The following NLGN4X variants were observed in gnomAD, a reference collection of about 807,000 sequenced individuals.
NLGN4X encodes the protein neuroligin-4, X-linked.
NLGN4X carries 3 observed loss-of-function variants against 40.3 expected under a neutral mutation model. The ratio of observed to expected loss-of-function variants is 0.07; its 90% CI spans 0.03 to 0.19. The LOEUF is 0.19. Among genes scored for constraint, NLGN4X ranks in the 10% least tolerant of loss-of-function variants. The pLI is 1.00. For synonymous variants in NLGN4X, 270 were observed against 306.8 expected, an observed-to-expected ratio of 0.88 and a Z score of 1.25; for missense variants, 382 against 708.3, an observed-to-expected ratio of 0.54 and a Z score of 5.23.
intron 3 of NLGN4X, among the ~76,000 whole-genome samples, chrX:5,958,434 T>C (rs2034564510): frequency 9.0e-6 from 1 of 111,546 alleles, no homozygotes; most frequent in South Asian, 3.7e-4. Flanking sequence ...CTTAATACTA[T>C]ATACTCACAA....
intron 1 of NLGN4X, among the ~76,000 whole-genome samples, chrX:6,204,488 G>A (rs1602417045): frequency 8.9e-6 from 1 of 112,133 alleles, no homozygotes; most frequent in South Asian, 3.7e-4. Context: ...AATCAGTAGA[G>A]CACAACTGGA....
intron 1 of NLGN4X, among the ~76,000 whole-genome samples, chrX:6,203,275 G>A (rs1385516678): frequency 8.9e-6 from 1 of 112,154 alleles, no homozygotes; most frequent in East Asian, 2.8e-4. Flanking sequence ...CTGTACCTAT[G>A]TGTTTGTTCA....
intron 2 of NLGN4X, among the ~76,000 whole-genome samples, chrX:6,074,379 G>A (rs2038142180): frequency 9.0e-6 from 1 of 111,566 alleles, no homozygotes; most frequent in South Asian, 3.8e-4. Context: ...CTGAGGTGGG[G>A]TGGTATTACC....
At chrX:6,032,619 GA>G (rs878874956) in intron 2 of NLGN4X, 15,445 of 517,271 alleles carry the variant, frequency 0.03, 24 homozygotes, top group African/African-American at 0.057. Context: ...AGATTGAAAT[GA>G]AAAAAAAAAA....
At chrX:6,000,305 C>T (rs1202597029) in intron 3 of NLGN4X, among the ~76,000 whole-genome samples, 1 of 112,251 alleles carries the variant, frequency 8.9e-6, no homozygotes, top group African/African-American at 3.2e-5. Context: ...AAAATATTGG[C>T]GTTTGGTTTC....
At chrX:6,195,721 T>C (rs1305770210) in intron 1 of NLGN4X, among the ~76,000 whole-genome samples, 1 of 112,028 alleles carries the variant, frequency 8.9e-6, no homozygotes, top group Non-Finnish European at 1.9e-5. Flanking sequence ...AATTTTACAA[T>C]AATTAGTGTG....
chrX:5,900,449 C>A (rs112247367), intron 5 of NLGN4X, among the ~76,000 whole-genome samples: 1 of 110,194 alleles, frequency 9.1e-6, no homozygotes, highest in Non-Finnish European at 1.9e-5. Flanking sequence ...TACCCTCCCC[C>A]TACAGATTTG....
Position 5,903,301 on chromosome X carries a change from C to T in NLGN4X, c.1377G>A (p.Leu459=). 8.3e-7 allele frequency: 1 copy of T among 1,211,723 alleles called. No homozygotes were observed. Among genetic ancestry groups the T allele is most frequent in the Non-Finnish European group, 1.1e-6 (1 of 895,410 alleles). ...AGGTGGGGGAGCCGTACTGCGCGTG[C>T]AGGTCGGCGGTGGCCACGGCGGGGG... is the stretch of plus-strand genomic sequence containing the variant. ...WVAPAVATAD[L]HAQYGSPTYF... Residue 459 remains leucine, a synonymous_variant, in exon 5 of 6, where the codon CTG becomes CTA. Coordinates refer to ENST00000381095, the MANE Select transcript of NLGN4X (RefSeq NM_181332.3).
chrX:5,908,932 G>T, intron 4 of NLGN4X, 122 bp downstream of exon 4: 1 of 754,391 alleles, frequency 1.3e-6, no homozygotes, highest in Non-Finnish European at 1.9e-6. Context: ...TTGATCTTTT[G>T]GGCATTTTCT....
intron 2 of NLGN4X, among the ~76,000 whole-genome samples, chrX:6,094,254 G>T (rs1241453559): frequency 9.0e-6 from 1 of 111,200 alleles, no homozygotes; most frequent in Non-Finnish European, 1.9e-5. Context: ...AGTAATGAGT[G>T]AATCATCCCA....
chrX:6,169,155 T>A (rs1447265728), intron 1 of NLGN4X, among the ~76,000 whole-genome samples: 2 of 111,440 alleles, frequency 1.8e-5, no homozygotes, highest in African/African-American at 6.5e-5. Context: ...CCTACTGAAA[T>A]CAATAATTTG....
At chrX:6,028,953 T>C (rs779470029) in intron 3 of NLGN4X, among the ~76,000 whole-genome samples, 25 of 112,391 alleles carry the variant, frequency 2.2e-4, no homozygotes, top group African/African-American at 8.1e-4. Context: ...TTCCCAACTA[T>C]AATATCACCA....
intron 3 of NLGN4X, among the ~76,000 whole-genome samples, chrX:5,924,364 G>GAAA (rs59353648): frequency 2.1e-5 from 2 of 95,487 alleles, no homozygotes; most frequent in Non-Finnish European, 4.2e-5. Flanking sequence ...AACATAAAAT[G>GAAA]AAAAAAAAAA....
At position 6,210,016 on chromosome X, in the gene NLGN4X, A is replaced by AT. The variant is rs763247997; in HGVS notation, c.-306+18524dup. On this transcript the variant is annotated intron_variant, in intron 1 of 5. Coordinates refer to ENST00000381095, the MANE Select transcript of NLGN4X (RefSeq NM_181332.3). ...CAGGAGCGAGCCATCACATCTGGCT[A>AT]TTTTTTTTCTTTTTTTCTGTAGAAA... Among the ~76,000 whole-genome samples, 20 of 110,326 alleles carry AT rather than the reference A, an allele frequency of 1.8e-4. No individual in the cohort carries two copies. The South Asian group carries it at 6.6e-3, about 37-fold the overall frequency.
chrX:5,974,167 T>C (rs1242172788), intron 3 of NLGN4X, among the ~76,000 whole-genome samples: 1 of 112,278 alleles, frequency 8.9e-6, no homozygotes, highest in African/African-American at 3.2e-5. Flanking sequence ...GGGTGGGGAA[T>C]GGCATGGTCA....
At chrX:5,964,923 AT>A (rs2034777350) in intron 3 of NLGN4X, among the ~76,000 whole-genome samples, 1 of 112,378 alleles carries the variant, frequency 8.9e-6, no homozygotes, top group African/African-American at 3.2e-5. Flanking sequence ...CCTCTTCTAG[AT>A]AAGGTTTTCA....
At chrX:5,914,909 G>A (rs1243074628) in intron 3 of NLGN4X, among the ~76,000 whole-genome samples, 1 of 112,031 alleles carries the variant, frequency 8.9e-6, no homozygotes, top group Non-Finnish European at 1.9e-5. Context: ...TTCATGAAAT[G>A]CATTTATTAC....
intron 2 of NLGN4X, among the ~76,000 whole-genome samples, chrX:6,055,507 G>A (rs1009959502): frequency 1.8e-5 from 2 of 110,767 alleles, no homozygotes; most frequent in African/African-American, 3.3e-5. Context: ...GTTGTGGGGG[G>A]GCTTACAAAA....
At chrX:6,062,673 G>A (rs2037800167) in intron 2 of NLGN4X, among the ~76,000 whole-genome samples, 1 of 110,472 alleles carries the variant, frequency 9.1e-6, no homozygotes, top group Non-Finnish European at 1.9e-5. Flanking sequence ...TCATGGGGGT[G>A]TGTCTTTCCC....
Sources: allele counts gnomAD v4.1 joint callset (sites outside exome capture counted in the v4.1 genomes callset), GRCh38; gene constraint gnomAD v4.1.1; transcripts MANE v1.5; gene names NCBI Gene and HGNC (gene_info 2026-07-23, HGNC 2026-07-21).